The following IFT25 variants were observed in gnomAD, a reference collection of about 807,000 sequenced individuals.
The protein encoded by IFT25 is intraflagellar transport protein 25 homolog.
chr1:53,921,774 G>C, the IFT25 span: 1 of 1,570,744 alleles, frequency 6.4e-7, no homozygotes, highest in Non-Finnish European at 8.8e-7. Context: ...GTGCCTGTAT[G>C]GGAAAAAAAT....
At chr1:53,935,027 C>A in the IFT25 span, among the ~76,000 whole-genome samples, 1 of 152,054 alleles carries the variant, frequency 6.6e-6, no homozygotes, top group East Asian at 1.9e-4. Flanking sequence ...AGAAAGAAAC[C>A]AGTCACGGCT....
At chr1:53,934,534 T>A in the IFT25 span, among the ~76,000 whole-genome samples, 1 of 152,330 alleles carries the variant, frequency 6.6e-6, no homozygotes, top group East Asian at 1.9e-4. Context: ...GTTGGTATTT[T>A]AAAATAAAAT....
chr1:53,912,337 A>T, the IFT25 span, among the ~76,000 whole-genome samples: 1 of 152,230 alleles, frequency 6.6e-6, no homozygotes, highest in South Asian at 2.1e-4. Flanking sequence ...TTAATGCATC[A>T]AACATTGAGC....
At chr1:53,940,714 G>A in the IFT25 span, among the ~76,000 whole-genome samples, 13 of 151,954 alleles carry the variant, frequency 8.6e-5, no homozygotes, top group Non-Finnish European at 1.5e-4. Flanking sequence ...ATTATTTTAT[G>A]TTTTAGTTTT....
chr1:53,945,271 CTAAT>C, the IFT25 span, among the ~76,000 whole-genome samples: 6 of 152,340 alleles, frequency 3.9e-5, no homozygotes, highest in East Asian at 1.9e-4. Flanking sequence ...TTTTGGTAGA[CTAAT>C]TAATTTCGAT....
At chr1:53,919,900 C>T in the IFT25 span, among the ~76,000 whole-genome samples, 2 of 152,012 alleles carry the variant, frequency 1.3e-5, no homozygotes, top group African/African-American at 2.4e-5. Context: ...AGCAAACCTA[C>T]CACCTCAGCC....
At chr1:53,944,656 A>G in the IFT25 span, among the ~76,000 whole-genome samples, 3 of 152,148 alleles carry the variant, frequency 2.0e-5, no homozygotes, top group African/African-American at 7.2e-5. Flanking sequence ...AACAAAACAA[A>G]GTGCAGGTTT....
At chr1:53,940,649 T>C in the IFT25 span, among the ~76,000 whole-genome samples, 1 of 152,204 alleles carries the variant, frequency 6.6e-6, no homozygotes, top group East Asian at 1.9e-4. Context: ...GTATAAAGTC[T>C]TAATGTCTGG....
the IFT25 span, among the ~76,000 whole-genome samples, chr1:53,940,451 G>C: frequency 1.3e-4 from 20 of 151,952 alleles, no homozygotes; most frequent in Admixed American, 6.6e-4. Context: ...AGAAACAAAA[G>C]AATAAAGAAA....
the IFT25 span, chr1:53,923,558 A>T: frequency 4.5e-6 from 1 of 222,480 alleles, no homozygotes; most frequent in East Asian, 1.3e-4. Context: ...TTAACATTCA[A>T]TTTTGGCATC....
the IFT25 span, among the ~76,000 whole-genome samples, chr1:53,938,307 G>T: frequency 6.6e-6 from 1 of 152,160 alleles, no homozygotes. Context: ...AGTCAAGTTT[G>T]ACTCATAGAA....
the IFT25 span, among the ~76,000 whole-genome samples, chr1:53,944,598 C>G: frequency 6.6e-6 from 1 of 152,274 alleles, no homozygotes; most frequent in Admixed American, 6.5e-5. Flanking sequence ...GAGGCGAGAC[C>G]GCGCCACTGC....
the IFT25 span, chr1:53,940,031 C>T: frequency 1.9e-6 from 3 of 1,611,914 alleles, no homozygotes; most frequent in Non-Finnish European, 2.5e-6. Context: ...CTTGATGTAG[C>T]TAAAATCACT....
chr1:53,941,487 T>A, the IFT25 span, among the ~76,000 whole-genome samples: 1 of 152,246 alleles, frequency 6.6e-6, no homozygotes, highest in African/African-American at 2.4e-5. Flanking sequence ...ATTGATAGTA[T>A]TAAAAGTGTG....
the IFT25 span, among the ~76,000 whole-genome samples, chr1:53,918,595 G>C: frequency 6.6e-6 from 1 of 152,218 alleles, no homozygotes; most frequent in African/African-American, 2.4e-5. Context: ...GGACATTTCA[G>C]TAAGCTGTAT....
the IFT25 span, among the ~76,000 whole-genome samples, chr1:53,934,658 A>G: frequency 2.0e-5 from 3 of 152,230 alleles, no homozygotes; most frequent in Non-Finnish European, 4.4e-5. Flanking sequence ...ATAAGAATGA[A>G]GTACTGATAT....
At chr1:53,923,916 A>AT in the IFT25 span, 1 of 1,591,634 alleles carries the variant, frequency 6.3e-7, no homozygotes, top group Non-Finnish European at 8.6e-7. Flanking sequence ...CAATTTCTTC[A>AT]TTTTGAAGCT....
the IFT25 span, among the ~76,000 whole-genome samples, chr1:53,943,967 G>T: frequency 6.6e-6 from 1 of 152,114 alleles, no homozygotes; most frequent in Middle Eastern, 3.2e-3. Context: ...GGTTGATATG[G>T]AGCAGATGAA....
the IFT25 span, among the ~76,000 whole-genome samples, chr1:53,913,511 G>A: frequency 3.3e-4 from 51 of 152,272 alleles, no homozygotes; most frequent in African/African-American, 1.2e-3. Context: ...GAGTCAGGTG[G>A]CGCAATCTGC....
Sources: allele counts gnomAD v4.1 joint callset (sites outside exome capture counted in the v4.1 genomes callset), GRCh38; gene constraint gnomAD v4.1.1; transcripts MANE v1.5; gene names NCBI Gene and HGNC (gene_info 2026-07-23, HGNC 2026-07-21).